CLHC1: variants seen among roughly 807,000 people sequenced by gnomAD.
The protein encoded by CLHC1 is clathrin heavy chain linker domain containing 1, also known as clathrin heavy chain linker domain-containing protein 1.
In CLHC1, 72 loss-of-function variants were observed where a neutral mutation model predicts 69.5. That is an observed-to-expected ratio of 1.04 (90% confidence interval 0.86 to 1.26). The LOEUF (loss-of-function observed/expected upper bound fraction) is 1.26, where lower values mean the gene tolerates loss of function less well. Among genes scored for constraint, CLHC1 ranks in the 50% most tolerant of loss-of-function variants. The pLI, the probability that CLHC1 is intolerant of heterozygous loss-of-function variation, is 0.00. For missense variants in CLHC1, 790 were observed against 679.3 expected (o/e 1.16, Z -1.81); for synonymous variants, 223 against 224.3 (o/e 0.99, Z 0.05).
At chr2:55,196,589 G>A (rs1671440166) in intron 9 of CLHC1, among the ~76,000 whole-genome samples, 1 of 152,164 alleles carries the variant, frequency 6.6e-6, no homozygotes, top group Non-Finnish European at 1.5e-5. Context: ...ACACACACTT[G>A]TCAGAAGGGA....
At chr2:55,224,321 A>T in intron 2 of CLHC1, 2 of 467,064 alleles carry the variant, frequency 4.3e-6, no homozygotes, top group Non-Finnish European at 8.7e-6. Flanking sequence ...GGAGTGTTTG[A>T]GTGTGAACTC....
At chr2:55,185,692 C>G (rs1167681011) in intron 9 of CLHC1, among the ~76,000 whole-genome samples, 1 of 152,184 alleles carries the variant, frequency 6.6e-6, no homozygotes, top group African/African-American at 2.4e-5. Context: ...TTGTCTGCCT[C>G]TTTATCTCTC....
Position 55,212,790 on chromosome 2 carries a change from T to A in CLHC1, c.382A>T (p.Ser128Cys). 1 of 1,603,260 alleles carries A rather than the reference T, an allele frequency of 6.2e-7. No individual in the cohort carries two copies. Among genetic ancestry groups the A allele is most frequent in the Non-Finnish European group, 8.5e-7 (1 of 1,170,318 alleles). Residue 128 changes from serine to cysteine, a missense_variant, in exon 5 of 13, where the codon AGT becomes TGT. By Grantham distance (112) the Ser-to-Cys change is moderately radical. Coordinates refer to ENST00000401408, the MANE Select transcript of CLHC1 (RefSeq NM_152385.4). The stretch of plus-strand genomic sequence containing the variant: ...TGAGATTGAATCTTCGAGGAATTAC[T>A]TTCGATAATCCTCATTCTGGAAAAC... ...QLEAKMRIIE[S>C]NSSKIQSQID...
chr2:55,231,127 G>A (rs1230325920), intron 1 of CLHC1, among the ~76,000 whole-genome samples: 1 of 151,964 alleles, frequency 6.6e-6, no homozygotes, highest in Non-Finnish European at 1.5e-5. Flanking sequence ...GTGGGCGCCT[G>A]TAATCCCAGC....
At chr2:55,208,333 A>G (rs905630230) in intron 8 of CLHC1, among the ~76,000 whole-genome samples, 22 of 152,212 alleles carry the variant, frequency 1.4e-4, no homozygotes, top group Non-Finnish European at 2.8e-4. Flanking sequence ...GCAATTTTAT[A>G]TAATATTTCT....
chr2:55,218,223 TGA>T (rs1673771502), intron 3 of CLHC1: 3 of 323,894 alleles, frequency 9.3e-6, no homozygotes, highest in African/African-American at 6.3e-5. Context: ...AGTTTAAATA[TGA>T]GAGAAAAAAA....
intron 5 of CLHC1, 64 bp from the exon 6 acceptor site, chr2:55,209,895 C>T: frequency 9.5e-7 from 1 of 1,049,714 alleles, no homozygotes; most frequent in South Asian, 1.4e-5. Context: ...GCTCAAAGAG[C>T]AAGTCTTAGA....
chr2:55,223,762 A>C (rs1674406756), intron 2 of CLHC1, among the ~76,000 whole-genome samples: 1 of 151,340 alleles, frequency 6.6e-6, no homozygotes, highest in African/African-American at 2.4e-5. Flanking sequence ...GAAGAGAAGC[A>C]GGGTCAGGTT....
chr2:55,232,332 T>C, upstream of CLHC1: 1 of 238,296 alleles, frequency 4.2e-6, no homozygotes, highest in South Asian at 5.1e-5. Flanking sequence ...TAGTCCAAGG[T>C]AGAAGAAAGC....
intron 9 of CLHC1, among the ~76,000 whole-genome samples, chr2:55,201,944 A>G (rs888343528): frequency 6.6e-6 from 1 of 152,346 alleles, no homozygotes; most frequent in East Asian, 1.9e-4. Context: ...CTGAAAAAGC[A>G]TTTAATAAAA....
intron 3 of CLHC1, among the ~76,000 whole-genome samples, chr2:55,221,272 T>C (rs1256554143): frequency 1.3e-5 from 2 of 151,984 alleles, no homozygotes; most frequent in Non-Finnish European, 2.9e-5. Context: ...CTTCCGGGGA[T>C]GGGGTGGAAA....
intron 9 of CLHC1, among the ~76,000 whole-genome samples, chr2:55,202,556 CAAAA>C (rs1273533719): frequency 1.3e-5 from 1 of 74,646 alleles, no homozygotes. Context: ...GACTCTGTCT[CAAAA>C]AAAAAAAAAA....
intron 9 of CLHC1, among the ~76,000 whole-genome samples, chr2:55,189,373 T>A: frequency 6.6e-6 from 1 of 152,348 alleles, no homozygotes; most frequent in East Asian, 1.9e-4. Context: ...TGTTTAGTCA[T>A]AGCAAATGAA....
At chr2:55,198,090 G>A (rs116256273) in intron 9 of CLHC1, among the ~76,000 whole-genome samples, 16 of 152,252 alleles carry the variant, frequency 1.1e-4, no homozygotes, top group African/African-American at 3.9e-4. Flanking sequence ...TCTCTCAGCA[G>A]CAGAATTAAT....
intron 12 of CLHC1, among the ~76,000 whole-genome samples, chr2:55,177,185 C>G (rs550434061): frequency 2.6e-5 from 4 of 152,146 alleles, no homozygotes; most frequent in Non-Finnish European, 5.9e-5. Context: ...ATTAGTTATT[C>G]TCTAATTCAC....
intron 2 of CLHC1, among the ~76,000 whole-genome samples, chr2:55,226,210 A>C (rs1333558746): frequency 6.6e-6 from 1 of 151,366 alleles, no homozygotes; most frequent in Non-Finnish European, 1.5e-5. Flanking sequence ...AAAAAGAGAA[A>C]GAGTTTTTAC....
At chr2:55,202,589 A>G (rs562018861) in intron 9 of CLHC1, among the ~76,000 whole-genome samples, 2 of 150,854 alleles carry the variant, frequency 1.3e-5, no homozygotes, top group African/African-American at 4.9e-5. Flanking sequence ...AAAAAAATCT[A>G]GAGACTCCAC....
chr2:55,223,676 G>A (rs573504492), intron 2 of CLHC1, among the ~76,000 whole-genome samples: 30 of 152,242 alleles, frequency 2.0e-4, no homozygotes, highest in Middle Eastern at 3.4e-3. Context: ...GGCGCCCCCG[G>A]ACCCGCTCAG....
Position 55,232,285 on chromosome 2 carries a change from A to G in CLHC1, c.-318T>C, listed in dbSNP as rs953493437. On this transcript the variant is annotated 5_prime_UTR_variant, in exon 1 of 13. Transcript: ENST00000401408. ...ACTTCAGTGCTTAGAGATAGTAACT[A>G]GGGAATCTGGGAGGTGGAACTGCAT... is the stretch of plus-strand genomic sequence containing the variant. The G allele has an allele frequency of 2.0e-5, 4 of 201,742 alleles. No individual in the cohort carries two copies. The highest frequency in any genetic ancestry group is 9.3e-5 in the African/African-American group (4 of 43,050). The allele number at this position is 201,742 out of a possible 1,614,324, so 12.5% of individuals were successfully genotyped here.
Sources: gnomAD v4.1 joint callset for allele counts (sites outside exome capture counted in the v4.1 genomes callset) on GRCh38, gnomAD v4.1.1 for gene constraint, MANE v1.5 for transcripts, NCBI Gene and HGNC (gene_info 2026-07-23, HGNC 2026-07-21) for gene names.